The following TENM2 variants were observed in gnomAD, a reference collection of about 807,000 sequenced individuals.
TENM2 encodes the protein teneurin-2.
A neutral mutation model predicts 245.2 loss-of-function variants in TENM2; 52 were observed. The ratio of observed to expected loss-of-function variants is 0.21; its 90% CI spans 0.17 to 0.27. TENM2 has a LOEUF of 0.27. Ranked by LOEUF, TENM2 falls within the 10% of genes least tolerant of loss-of-function variation. TENM2 has a pLI of 1.00. For missense variants in TENM2, 3,046 were observed against 3,666.8 expected, an observed-to-expected ratio of 0.83 and a Z score of 4.37; for synonymous variants, 1,363 against 1,438.9, an observed-to-expected ratio of 0.95 and a Z score of 1.19.
At chr5:167,930,378 T>C (rs1437140551) in intron 3 of TENM2, among the ~76,000 whole-genome samples, 1 of 152,150 alleles carries the variant, frequency 6.6e-6, no homozygotes, top group African/African-American at 2.4e-5. Context: ...AAGAATCGTT[T>C]TTAAAAAGGC....
intron 1 of TENM2, among the ~76,000 whole-genome samples, chr5:167,356,908 A>G (rs1326552231): frequency 6.6e-6 from 1 of 151,720 alleles, no homozygotes; most frequent in Non-Finnish European, 1.5e-5. Flanking sequence ...GCTTTTGTAT[A>G]TTAAAACATT....
the TENM2 span, among the ~76,000 whole-genome samples, chr5:167,105,874 C>G: frequency 9.7e-6 from 1 of 103,542 alleles, no homozygotes; most frequent in African/African-American, 4.2e-5. Context: ...GGCGACAGAG[C>G]GAGACTCCGT....
the TENM2 span, among the ~76,000 whole-genome samples, chr5:167,221,387 C>G: frequency 3.4e-4 from 52 of 152,218 alleles, no homozygotes; most frequent in East Asian, 9.3e-3. Flanking sequence ...CCAGAACTGA[C>G]CTAGTAAGGT....
chr5:167,023,417 G>A, the TENM2 span, among the ~76,000 whole-genome samples: 2 of 152,026 alleles, frequency 1.3e-5, no homozygotes, highest in Non-Finnish European at 2.9e-5. Flanking sequence ...TCCTTCTATT[G>A]GTTTGTGTGG....
exon 12 of TENM2, chr5:168,126,870 G>A: frequency 6.2e-7 from 1 of 1,609,104 alleles, no homozygotes; most frequent in Non-Finnish European, 8.5e-7. Context: ...CCGCTGCATT[G>A]AGCACGGGAC....
intron 2 of TENM2, among the ~76,000 whole-genome samples, chr5:167,711,351 A>C (rs1758894231): frequency 6.6e-6 from 1 of 152,148 alleles, no homozygotes; most frequent in African/African-American, 2.4e-5. Flanking sequence ...AGTGCAGAAA[A>C]ACTGTTTTAA....
In TENM2 at chr5:167,746,710, A is replaced by AGAGAGAGCGAGC. The variant is rs761614775; in HGVS notation, c.503-129271_503-129270insAGCGAGCGAGAG. ...GAGAGAGAGAGAGAGAGAGAGAGAG[A>AGAGAGAGCGAGC]GAGAGCTGGACTCTACACAATTAGT... On this transcript the variant is annotated intron_variant, in intron 2 of 28. Coordinates refer to ENST00000518659, the Ensembl canonical transcript of TENM2. 5.2e-4 allele frequency among the ~76,000 whole-genome samples: 76 copies of AGAGAGAGCGAGC among 144,974 alleles called. 1 individual carries two copies. The highest frequency in any genetic ancestry group is 7.2e-3 in the Middle Eastern group (2 of 278).
the TENM2 span, among the ~76,000 whole-genome samples, chr5:167,130,295 A>T: frequency 6.6e-6 from 1 of 152,220 alleles, no homozygotes; most frequent in Non-Finnish European, 1.5e-5. Flanking sequence ...AGTGCTGCTA[A>T]TGGAGGGATT....
chr5:167,879,692 A>C (rs574856986), intron 3 of TENM2, among the ~76,000 whole-genome samples: 1 of 152,238 alleles, frequency 6.6e-6, no homozygotes, highest in Non-Finnish European at 1.5e-5. Context: ...AAGTTTAAAT[A>C]AAGGGGCTTT....
chr5:168,113,703 T>C (rs1198168197), intron 9 of TENM2, among the ~76,000 whole-genome samples: 1 of 152,234 alleles, frequency 6.6e-6, no homozygotes, highest in African/African-American at 2.4e-5. Context: ...CATTTTTTTG[T>C]CATCAGCCTG....
chr5:168,249,453 G>GGTGTGT (rs3084277), intron 27 of TENM2, among the ~76,000 whole-genome samples: 8,527 of 148,834 alleles, frequency 0.057, 342 homozygotes, highest in African/African-American at 0.11. Context: ...GTTCTCTCAA[G>GGTGTGT]GTGTGTGTGT....
chr5:167,161,809 A>G, the TENM2 span, among the ~76,000 whole-genome samples: 1 of 152,194 alleles, frequency 6.6e-6, no homozygotes, highest in African/African-American at 2.4e-5. Context: ...CCAATGCACT[A>G]TTCAGAATTT....
the TENM2 span, among the ~76,000 whole-genome samples, chr5:167,061,130 G>A: frequency 3.3e-5 from 5 of 150,166 alleles, no homozygotes; most frequent in South Asian, 2.1e-4. Context: ...ACATGCATAC[G>A]CACCCCCCAC....
intron 2 of TENM2, among the ~76,000 whole-genome samples, chr5:167,496,588 G>A (rs970458432): frequency 6.6e-6 from 1 of 152,082 alleles, no homozygotes; most frequent in Non-Finnish European, 1.5e-5. Flanking sequence ...TGTAATTCAT[G>A]AAAAGTATAC....
At chr5:167,588,250 T>C (rs1775638410) in intron 2 of TENM2, among the ~76,000 whole-genome samples, 1 of 152,242 alleles carries the variant, frequency 6.6e-6, no homozygotes, top group East Asian at 1.9e-4. Flanking sequence ...ATTCAAAATA[T>C]CTTGATTGTC....
intron 3 of TENM2, 112 bp from the exon 6 acceptor site, chr5:167,952,476 T>G (rs541252553): frequency 5.3e-5 from 46 of 874,788 alleles, no homozygotes; most frequent in East Asian, 4.8e-4. Flanking sequence ...CTTGCAGCTT[T>G]CAGCAATTGT....
chr5:167,942,453 A>G (rs777879361), intron 3 of TENM2, among the ~76,000 whole-genome samples: 1 of 152,162 alleles, frequency 6.6e-6, no homozygotes, highest in Non-Finnish European at 1.5e-5. Flanking sequence ...GGAGAGATCA[A>G]TGTTTTCAAG....
chr5:167,339,979 G>A (rs1244279336), intron 1 of TENM2, among the ~76,000 whole-genome samples: 1 of 152,126 alleles, frequency 6.6e-6, no homozygotes, highest in Non-Finnish European at 1.5e-5. Flanking sequence ...AATTACCCAG[G>A]CTCAGGTATT....
intron 2 of TENM2, among the ~76,000 whole-genome samples, chr5:167,831,589 A>G (rs1165391823): frequency 6.6e-6 from 1 of 151,670 alleles, no homozygotes. Flanking sequence ...AGAAAACAAT[A>G]CCAAGTTCCC....
Sources: allele counts gnomAD v4.1 joint callset (sites outside exome capture counted in the v4.1 genomes callset), GRCh38; gene constraint gnomAD v4.1.1; transcripts MANE v1.5; gene names NCBI Gene and HGNC (gene_info 2026-07-23, HGNC 2026-07-21).